The following RBFOX1 variants were observed in gnomAD, a reference collection of about 807,000 sequenced individuals.
RBFOX1 encodes RNA binding fox-1 homolog 1, also known as RNA binding protein fox-1 homolog 1.
RBFOX1 carries 8 observed loss-of-function variants against 57.7 expected under a neutral mutation model. That is an observed-to-expected ratio of 0.14 (90% CI 0.08 to 0.25). The LOEUF is 0.25. Among genes scored for constraint, RBFOX1 ranks in the 10% least tolerant of loss-of-function variants. The probability of loss-of-function intolerance (pLI) is 1.00; values close to 1 mark genes in which losing one functional copy is unlikely to be tolerated. For synonymous variants in RBFOX1, 326 were observed against 222.4 expected (o/e 1.47, Z -4.15); for missense variants, 611 against 548.5 (o/e 1.11, Z -1.14).
chr16:7,638,483 G>T (rs575500277), intron 11 of RBFOX1, among the ~76,000 whole-genome samples: 113 of 152,234 alleles, frequency 7.4e-4, no homozygotes, highest in African/African-American at 2.7e-3. Context: ...AGTGGTCACG[G>T]GGAACCTCTC....
intron 3 of RBFOX1, among the ~76,000 whole-genome samples, chr16:5,861,682 A>G (rs1174962613): frequency 6.6e-6 from 1 of 152,198 alleles, no homozygotes; most frequent in East Asian, 1.9e-4. Flanking sequence ...CGGTGCCAGC[A>G]TTTGGACATC....
intron 4 of RBFOX1, among the ~76,000 whole-genome samples, chr16:7,416,179 C>A (rs1470709122): frequency 1.3e-5 from 2 of 152,122 alleles, no homozygotes; most frequent in African/African-American, 2.4e-5. Context: ...AGTTTGTTAA[C>A]TGAAATGGGA....
intron 4 of RBFOX1, among the ~76,000 whole-genome samples, chr16:7,435,941 T>C (rs992383300): frequency 1.3e-5 from 2 of 152,210 alleles, no homozygotes; most frequent in Non-Finnish European, 2.9e-5. Context: ...TACGTCAACA[T>C]TACTGCAGCA....
chr16:6,942,702 C>T (rs566663870), intron 3 of RBFOX1, among the ~76,000 whole-genome samples: 10 of 152,228 alleles, frequency 6.6e-5, no homozygotes, highest in African/African-American at 1.4e-4. Context: ...GACACTGGGG[C>T]ATCTCTTTGG....
chr16:5,273,745 C>G (rs1187994700), intron 1 of RBFOX1, among the ~76,000 whole-genome samples: 2 of 152,028 alleles, frequency 1.3e-5, no homozygotes, highest in Non-Finnish European at 2.9e-5. Flanking sequence ...TGAGGAGGGT[C>G]TTGATATAGC....
At chr16:5,264,417 T>C (rs1435410648) in intron 1 of RBFOX1, among the ~76,000 whole-genome samples, 2 of 152,102 alleles carry the variant, frequency 1.3e-5, no homozygotes, top group Admixed American at 1.3e-4. Context: ...GGTCCCCAAA[T>C]GGTGTTCTTT....
At chr16:6,532,337 T>C (rs1397289389) in intron 2 of RBFOX1, among the ~76,000 whole-genome samples, 2 of 152,168 alleles carry the variant, frequency 1.3e-5, no homozygotes, top group African/African-American at 2.4e-5. Flanking sequence ...TCCCTTTTCA[T>C]AGAGAAGGTC....
At chr16:6,657,633 C>A (rs560498491) in intron 3 of RBFOX1, among the ~76,000 whole-genome samples, 16 of 152,232 alleles carry the variant, frequency 1.1e-4, no homozygotes, top group African/African-American at 3.9e-4. Flanking sequence ...GTGCATGTCC[C>A]TCTCCATTTA....
chr16:6,031,814 C>G (rs551706350), intron 1 of RBFOX1, among the ~76,000 whole-genome samples: 5 of 152,324 alleles, frequency 3.3e-5, no homozygotes, highest in African/African-American at 1.2e-4. Context: ...TGTTTTGCCT[C>G]ACATCCCTCC....
At chr16:7,265,530 C>A (rs1265426757) in intron 4 of RBFOX1, among the ~76,000 whole-genome samples, 1 of 151,814 alleles carries the variant, frequency 6.6e-6, no homozygotes, top group Non-Finnish European at 1.5e-5. Context: ...CTCACTGTAA[C>A]CTCCGCCTCC....
intron 2 of RBFOX1, among the ~76,000 whole-genome samples, chr16:6,455,008 A>C (rs2094731541): frequency 6.8e-6 from 1 of 147,334 alleles, no homozygotes; most frequent in African/African-American, 2.5e-5. Context: ...TCAGCCTCCC[A>C]AGTAGCTGGG....
chr16:5,328,705 C>T (rs2064657375), intron 1 of RBFOX1, among the ~76,000 whole-genome samples: 1 of 152,228 alleles, frequency 6.6e-6, no homozygotes, highest in Non-Finnish European at 1.5e-5. Context: ...GCGGAGCTGC[C>T]AGTGGACCAT....
At chr16:5,635,170 G>C (rs1251015746) in intron 3 of RBFOX1, among the ~76,000 whole-genome samples, 1 of 152,324 alleles carries the variant, frequency 6.6e-6, no homozygotes, top group African/African-American at 2.4e-5. Context: ...TTTCTGCATA[G>C]TTACATTCCA....
At chr16:7,684,157 A>C (rs1251316037) in intron 14 of RBFOX1, among the ~76,000 whole-genome samples, 2 of 152,106 alleles carry the variant, frequency 1.3e-5, no homozygotes, top group Non-Finnish European at 2.9e-5. Context: ...TGTGGCCTCT[A>C]ATTTATTTCC....
intron 1 of RBFOX1, among the ~76,000 whole-genome samples, chr16:6,107,843 G>A (rs1016522375): frequency 1.3e-5 from 2 of 152,046 alleles, no homozygotes; most frequent in Non-Finnish European, 2.9e-5. Flanking sequence ...GCACTGAGAA[G>A]GAAATAATTA....
chr16:7,376,961 ATCCTTGTATG>A (rs887457490), intron 4 of RBFOX1, among the ~76,000 whole-genome samples: 15 of 152,154 alleles, frequency 9.9e-5, no homozygotes, highest in Non-Finnish European at 2.1e-4. Flanking sequence ...TAAACATAGT[ATCCTTGTATG>A]TCCCTAAGTG....
At chr16:6,653,560 T>A (rs542908522) in intron 2 of RBFOX1, among the ~76,000 whole-genome samples, 2,356 of 152,168 alleles carry the variant, frequency 0.015, 63 homozygotes, top group African/African-American at 0.053. Flanking sequence ...AACAAGAAAA[T>A]AGCAGAAAAT....
intron 4 of RBFOX1, among the ~76,000 whole-genome samples, chr16:7,293,086 A>T (rs1238199388): frequency 2.6e-5 from 4 of 152,158 alleles, no homozygotes; most frequent in African/African-American, 9.7e-5. Context: ...GTCATTTTCA[A>T]GGATGTGATA....
At chr16:6,290,420 C>T (rs2077352773) in intron 1 of RBFOX1, among the ~76,000 whole-genome samples, 1 of 151,676 alleles carries the variant, frequency 6.6e-6, no homozygotes, top group Non-Finnish European at 1.5e-5. Flanking sequence ...TAGCTTGGAT[C>T]GTTGTATTTA....
Sources: gnomAD v4.1 joint callset for allele counts (sites outside exome capture counted in the v4.1 genomes callset) on GRCh38, gnomAD v4.1.1 for gene constraint, MANE v1.5 for transcripts, NCBI Gene and HGNC (gene_info 2026-07-23, HGNC 2026-07-21) for gene names.